Variants in ELP1 observed in about 807,000 individuals in gnomAD.
ELP1 encodes elongator acetyltransferase complex subunit 1.
Under a neutral mutation model 183.2 loss-of-function variants are expected in ELP1, and 131 were observed. That is an observed-to-expected ratio of 0.72 (90% CI 0.62 to 0.83). The LOEUF (loss-of-function observed/expected upper bound fraction) is 0.83, where lower values mean the gene tolerates loss of function less well. Ranked by LOEUF, ELP1 falls within the 40% of genes least tolerant of loss-of-function variation. ELP1 has a pLI of 0.00. For synonymous variants in ELP1, 555 were observed against 569.0 expected, an observed-to-expected ratio of 0.98 and a Z score of 0.35; for missense variants, 1,550 against 1,594.9, an observed-to-expected ratio of 0.97 and a Z score of 0.48.
chr9:108,890,099 A>G (rs547210623), intron 28 of ELP1, among the ~76,000 whole-genome samples: 2 of 152,220 alleles, frequency 1.3e-5, no homozygotes, highest in Non-Finnish European at 2.9e-5. Flanking sequence ...GCAAGCTAAG[A>G]GCTGTAAAGA....
At chr9:108,930,796 T>G (rs955176401) in intron 2 of ELP1, among the ~76,000 whole-genome samples, 7 of 152,064 alleles carry the variant, frequency 4.6e-5, no homozygotes, top group Non-Finnish European at 8.8e-5. Flanking sequence ...TCTACTGACT[T>G]AGGTTAAAAT....
chr9:108,909,194 T>A (rs1829121545), intron 12 of ELP1, among the ~76,000 whole-genome samples: 1 of 151,978 alleles, frequency 6.6e-6, no homozygotes, highest in African/African-American at 2.4e-5. Context: ...ATCCTTAAGC[T>A]CTCCCTACCC....
At chr9:108,931,272 G>A (rs1215660152) in intron 1 of ELP1, 71 bp from the exon 2 acceptor site, 3 of 997,950 alleles carry the variant, frequency 3.0e-6, no homozygotes, top group African/African-American at 3.2e-5. Context: ...TTCAGGGGGT[G>A]AAGAAGTGGT....
At chr9:108,925,578 A>G (rs956542606) in intron 5 of ELP1, among the ~76,000 whole-genome samples, 21 of 152,078 alleles carry the variant, frequency 1.4e-4, no homozygotes, top group Non-Finnish European at 2.8e-4. Flanking sequence ...CCCAACACCA[A>G]TTCAGCTGAG....
chr9:108,883,180 T>C (rs1827997009), intron 29 of ELP1, among the ~76,000 whole-genome samples: 1 of 152,150 alleles, frequency 6.6e-6, no homozygotes, highest in South Asian at 2.1e-4. Context: ...CGTTCTGGTT[T>C]TGAGACAGGG....
intron 1 of ELP1, among the ~76,000 whole-genome samples, chr9:108,931,675 C>G (rs1046967347): frequency 1.3e-5 from 2 of 152,140 alleles, no homozygotes; most frequent in Non-Finnish European, 2.9e-5. Flanking sequence ...CAGGTCTATT[C>G]ATTTATAAAC....
At chr9:108,912,552 T>C (rs1829269802) in intron 10 of ELP1, 58 bp from the exon 11 acceptor site, 5 of 1,237,542 alleles carry the variant, frequency 4.0e-6, no homozygotes, top group African/African-American at 1.5e-5. Context: ...TTCATCCCAC[T>C]TGCCAGAGGG....
chr9:108,882,252 T>C, intron 29 of ELP1, 65 bp from the exon 30 acceptor site: 1 of 1,426,060 alleles, frequency 7.0e-7, no homozygotes, highest in East Asian at 2.3e-5. Context: ...CACAGCCAAC[T>C]ACAAAACTAA....
In ELP1 at chr9:108,874,946, T is replaced by C. The variant is rs770891146; in HGVS notation, c.3880A>G (p.Asn1294Asp). The C allele has an allele frequency of 6.8e-6, 11 of 1,612,362 alleles. No individual in the cohort carries two copies. Among genetic ancestry groups the C allele is most frequent in the African/African-American group, 5.3e-5 (4 of 74,894 alleles). Residue 1294 changes from asparagine (N) to aspartate (D), a missense_variant, in exon 36 of 37, where the codon AAT (asparagine) becomes GAT (aspartate). By Grantham distance (23) the Asn-to-Asp change is conservative (BLOSUM62 1). Transcript: ENST00000374647. Reference sequence around the variant, plus strand: ...TGCTGATAAGATGCCATGATACTATTTGCAGTAGAATTGGGACCTAGAACC... The same window carrying C: ...TGCTGATAAGATGCCATGATACTATCTGCAGTAGAATTGGGACCTAGAACC... Reference protein sequence around the residue: ...TPVLGPNSTANSIMASYQQQK... With the variant: ...TPVLGPNSTADSIMASYQQQK...
Position 108,896,741 on chromosome 9 carries a change from T to C in ELP1, c.2588-97A>G, listed in dbSNP as rs2275626. 0.21 allele frequency: 263,454 copies of C among 1,246,246 alleles called. 30,565 individuals carry two copies. Among genetic ancestry groups the C allele is most frequent in the African/African-American group, 0.44 (29,891 of 67,594 alleles). The allele number at this position is 1,246,246 out of a possible 1,614,324, so 77.2% of individuals were successfully genotyped here. ...CAAAAAGACAATAAATTTTTCTCAA[T>C]AGAACTGGACATCAGAAGAATATAT... On this transcript the variant is annotated intron_variant, in intron 24 of 36. Coordinates refer to ENST00000374647, the MANE Select transcript of ELP1 (RefSeq NM_003640.5).
chr9:108,889,335 G>T lies in ELP1; in HGVS notation c.3219C>A (p.Ala1073=), dbSNP rs371960059. 24 of 1,613,742 alleles carry T rather than the reference G, an allele frequency of 1.5e-5. 1 individual carries two copies. In the African/African-American group the frequency reaches 3.2e-4, roughly 22 times the overall value. The change falls in exon 29 of 37, where the codon GCC becomes GCA. Residue 1073 remains alanine, a synonymous_variant. Coordinates refer to ENST00000374647, the MANE Select transcript of ELP1 (RefSeq NM_003640.5). ...AGAAGGGAGGAATTGAGTTTACCTG[G>T]GCACACTCTTCCAAAACCATGGCCG... ...IDAAMVLEEC[A]QDYEEAVLLL... is the part of the protein sequence containing the mutation.
At chr9:108,915,736 A>G (rs1772043) in intron 10 of ELP1, among the ~76,000 whole-genome samples, 106,874 of 150,896 alleles carry the variant, frequency 0.71, 38,323 homozygotes, top group African/African-American at 0.83. Flanking sequence ...GGCTTGAACT[A>G]CACAGGTCCA....
intron 6 of ELP1, among the ~76,000 whole-genome samples, chr9:108,919,882 G>A (rs1382505382): frequency 6.6e-6 from 1 of 152,122 alleles, no homozygotes; most frequent in Non-Finnish European, 1.5e-5. Context: ...CCAGGGCCAC[G>A]TGTATCTCAA....
intron 5 of ELP1, among the ~76,000 whole-genome samples, chr9:108,924,621 C>G (rs1256184811): frequency 1.3e-5 from 2 of 152,180 alleles, no homozygotes; most frequent in Non-Finnish European, 2.9e-5. Flanking sequence ...TCCTGTACAG[C>G]ATCTGCTCCC....
chr9:108,898,900 A>T, intron 20 of ELP1, 151 bp from the exon 21 acceptor site: 1 of 649,776 alleles, frequency 1.5e-6, no homozygotes, highest in South Asian at 1.8e-5. Context: ...CTGAAATTAC[A>T]GAATAAAAAA....
intron 36 of ELP1, among the ~76,000 whole-genome samples, chr9:108,870,071 G>C (rs1359424024): frequency 1.1e-4 from 16 of 152,076 alleles, no homozygotes; most frequent in Non-Finnish European, 2.9e-5. Flanking sequence ...GACCCCCTGG[G>C]TTCAAGCGAT....
chr9:108,905,911 G>GTATAAAGA (rs1424054624), intron 14 of ELP1, among the ~76,000 whole-genome samples: 9 of 150,342 alleles, frequency 6.0e-5, no homozygotes, highest in African/African-American at 2.2e-4. Context: ...ATATGCGCAT[G>GTATAAAGA]ACTGCATTTA....
intron 16 of ELP1, 126 bp from the exon 17 acceptor site, chr9:108,901,807 T>G (rs1023673088): frequency 1.1e-6 from 1 of 912,156 alleles, no homozygotes; most frequent in Non-Finnish European, 1.8e-6. Flanking sequence ...GGACTAAAGA[T>G]AGATACCTAA....
intron 10 of ELP1, among the ~76,000 whole-genome samples, chr9:108,913,454 A>G (rs142741183): frequency 6.6e-6 from 1 of 152,348 alleles, no homozygotes; most frequent in Admixed American, 6.5e-5. Context: ...AATTATAGTT[A>G]TATTAAGAAA....
Sources: gnomAD v4.1 joint callset for allele counts (sites outside exome capture counted in the v4.1 genomes callset) on GRCh38, gnomAD v4.1.1 for gene constraint, MANE v1.5 for transcripts, NCBI Gene and HGNC (gene_info 2026-07-23, HGNC 2026-07-21) for gene names.